ATG12: variants seen among roughly 807,000 people sequenced by gnomAD.
ATG12 encodes ubiquitin-like protein ATG12.
In ATG12, 19 loss-of-function variants were observed where a neutral mutation model predicts 17.6. The ratio of observed to expected loss-of-function variants is 1.08; its 90% CI spans 0.75 to 1.58. ATG12 has a LOEUF of 1.58. Ranked by LOEUF, ATG12 falls within the 40% of genes most tolerant of loss-of-function variation. The pLI is 0.00. For synonymous variants in ATG12, 75 were observed against 62.4 expected (o/e 1.20, Z -0.95); for missense variants, 214 against 162.0 (o/e 1.32, Z -1.74).
intron 1 of ATG12, among the ~76,000 whole-genome samples, chr5:115,840,147 A>C (rs1761298036): frequency 6.6e-6 from 1 of 152,240 alleles, no homozygotes; most frequent in Non-Finnish European, 1.5e-5. Flanking sequence ...AATTCTTTTG[A>C]AGAAAGATTC....
At chr5:115,837,999 G>A (rs2112728465) in intron 1 of ATG12, 1 of 365,518 alleles carries the variant, frequency 2.7e-6, no homozygotes, top group Non-Finnish European at 4.9e-6. Flanking sequence ...TTAACAGGCA[G>A]TTCCAAAGAG....
rs746492101 is a variant in ATG12 at position 115,841,385 on chromosome 5, G to T, written c.163+5C>A. The stretch of plus-strand genomic sequence containing the variant: ...GCCTCTCTGCCCGGAAATAAATTCA[G>T]TTACTTTTTTTCTTGGTGTCGCCAG... On this transcript the variant is annotated splice_donor_5th_base_variant and intron_variant, in intron 1 of 3. Coordinates refer to ENST00000509910, the MANE Select transcript of ATG12 (RefSeq NM_004707.4). 5.6e-6 allele frequency: 9 copies of T among 1,611,112 alleles called. No individual in the cohort carries two copies. The highest frequency in any genetic ancestry group is 7.6e-6 in the Non-Finnish European group (9 of 1,179,612).
chr5:115,836,251 C>A (rs1248851890), intron 2 of ATG12, among the ~76,000 whole-genome samples: 1 of 152,128 alleles, frequency 6.6e-6, no homozygotes, highest in Non-Finnish European at 1.5e-5. Flanking sequence ...GTATTGGTAT[C>A]AATCAAGTCC....
chr5:115,840,706 T>G, intron 1 of ATG12: 1 of 1,198,700 alleles, frequency 8.3e-7, no homozygotes, highest in Non-Finnish European at 1.1e-6. Flanking sequence ...CAACTCTAAC[T>G]CTAAACAGAG....
At chr5:115,841,181 G>C in intron 1 of ATG12, 1 of 605,522 alleles carries the variant, frequency 1.7e-6, no homozygotes, top group Non-Finnish European at 2.8e-6. Flanking sequence ...CCAAGTATCA[G>C]GCCCTACACC....
intron 1 of ATG12, 96 bp downstream of exon 1, chr5:115,841,294 G>A (rs959112527): frequency 2.0e-6 from 3 of 1,521,884 alleles, no homozygotes; most frequent in East Asian, 4.5e-5. Context: ...GTCTAGGACA[G>A]GCGCTCCTCT....
At chr5:115,835,287 G>A (rs376473912) in intron 2 of ATG12, 1 of 152,028 alleles carries the variant, frequency 6.6e-6, no homozygotes, top group Admixed American at 6.6e-5. Context: ...TCCGCATCTC[G>A]TTTTTCTTGT....
intron 2 of ATG12, 70 bp from the exon 3 acceptor site, chr5:115,832,734 A>C (rs897745471): frequency 2.2e-6 from 3 of 1,366,834 alleles, no homozygotes; most frequent in Non-Finnish European, 2.9e-6. Context: ...TCTGCATTCC[A>C]ATCAGCTAGC....
At chr5:115,833,406 G>A (rs1760966365) in intron 2 of ATG12, 1 of 151,994 alleles carries the variant, frequency 6.6e-6, no homozygotes, top group Non-Finnish European at 1.5e-5. Context: ...CAGAATAGTT[G>A]GTTGACAGAT....
At chr5:115,835,809 T>G (rs977441867) in intron 2 of ATG12, among the ~76,000 whole-genome samples, 1 of 152,340 alleles carries the variant, frequency 6.6e-6, no homozygotes, top group East Asian at 1.9e-4. Context: ...TCAGCACAGA[T>G]GCTGATACCA....
At position 115,837,768 on chromosome 5, in the gene ATG12, T is replaced by C. The variant is rs768308809; in HGVS notation, c.164-4A>G. ...ACAGCCTTTAGCAAAATGTCAACTG[T>C]AAAAGAAGAATAAAATTTACTGACA... is the stretch of plus-strand genomic sequence containing the variant. On this transcript the variant is annotated splice_region_variant and splice_polypyrimidine_tract_variant and intron_variant, in intron 1 of 3. Coordinates refer to ENST00000509910, the MANE Select transcript of ATG12 (RefSeq NM_004707.4). 3.8e-6 allele frequency: 6 copies of C among 1,588,788 alleles called. No individual in the cohort carries two copies. Among genetic ancestry groups the C allele is most frequent in the African/African-American group, 2.7e-5 (2 of 73,056 alleles).
chr5:115,840,990 CA>C, intron 1 of ATG12: 1 of 848,490 alleles, frequency 1.2e-6, no homozygotes, highest in Non-Finnish European at 1.7e-6. Flanking sequence ...AATTCTAATC[CA>C]GGCTTTGCCA....
At position 115,841,555 on chromosome 5, in the gene ATG12, T is replaced by C. The variant is rs758263245; in HGVS notation, c.-3A>G. 3.1e-6 allele frequency: 5 copies of C among 1,614,072 alleles called. No individual in the cohort carries two copies. Among genetic ancestry groups the C allele is most frequent in the East Asian group, 4.5e-5 (2 of 44,850 alleles). The stretch of plus-strand genomic sequence containing the variant: ...ACAGACTGCGGCTCCTCCGCCATCT[T>C]GCTTGGAGACACTCGAGAGCGGAAG... On this transcript the variant is annotated 5_prime_UTR_variant, in exon 1 of 4. Transcript: ENST00000509910.
intron 2 of ATG12, chr5:115,834,126 A>G (rs1760997473): frequency 6.6e-6 from 1 of 152,288 alleles, no homozygotes; most frequent in Non-Finnish European, 1.5e-5. Context: ...AATAAGCAGG[A>G]TTTAACCAGG....
Position 115,831,749 on chromosome 5 carries a change from T to C in ATG12, c.*55A>G, listed in dbSNP as rs2112716994. 2 of 1,552,056 alleles carry C rather than the reference T, an allele frequency of 1.3e-6. No homozygotes were observed. The highest frequency in any genetic ancestry group is 1.7e-5 in the Admixed American group (1 of 58,406). ...CACAAGCATCAAAACTTTTCAGAGC[T>C]GTCTCTTCCGTGAAAATCCATTTCA... On this transcript the variant is annotated 3_prime_UTR_variant, in exon 4 of 4. Coordinates refer to ENST00000509910, the MANE Select transcript of ATG12 (RefSeq NM_004707.4).
chr5:115,832,577 T>G, intron 3 of ATG12, 25 bp downstream of exon 3: 2 of 1,104,490 alleles, frequency 1.8e-6, no homozygotes, highest in Non-Finnish European at 2.3e-6. Flanking sequence ...CTTTCTTTTT[T>G]TTTTTTTTTT....
chr5:115,836,458 T>C (rs1034164203), intron 2 of ATG12, among the ~76,000 whole-genome samples: 1 of 152,242 alleles, frequency 6.6e-6, no homozygotes, highest in African/African-American at 2.4e-5. Context: ...CTCAAGTGTA[T>C]GTCCTCATTC....
At position 115,830,178 on chromosome 5, in the gene ATG12, G is replaced by A. The variant is rs977674085; in HGVS notation, c.*1626C>T. 3 of 147,258 alleles carry A rather than the reference G, an allele frequency of 2.0e-5. No homozygotes were observed. Among genetic ancestry groups the A allele is most frequent in the Non-Finnish European group, 3.0e-5 (2 of 67,276 alleles). The allele number at this position is 147,258 out of a possible 1,614,324, so 9.1% of individuals were successfully genotyped here. On this transcript the variant is annotated 3_prime_UTR_variant, in exon 4 of 4. Transcript: ENST00000509910. ...CCTATGTATTCTTCAGAGTTGTTAG[G>A]AAAGAAAACAAATAAGGTTAGCTAC...
At chr5:115,834,132 C>A (rs1184510523) in intron 2 of ATG12, 2 of 152,156 alleles carry the variant, frequency 1.3e-5, no homozygotes, top group Admixed American at 6.5e-5. Context: ...CAGGATTTAA[C>A]CAGGTGAAGA....
Sources: gnomAD v4.1 joint callset for allele counts (sites outside exome capture counted in the v4.1 genomes callset) on GRCh38, gnomAD v4.1.1 for gene constraint, MANE v1.5 for transcripts, NCBI Gene and HGNC (gene_info 2026-07-23, HGNC 2026-07-21) for gene names.